Variants in EXOC4 observed in about 807,000 individuals in gnomAD.
The protein encoded by EXOC4 is SEC8-like 1.
Under a neutral mutation model 107.2 loss-of-function variants are expected in EXOC4, and 71 were observed. The ratio of observed to expected loss-of-function variants is 0.66; its 90% CI spans 0.55 to 0.81. The LOEUF is 0.81. Among genes scored for constraint, EXOC4 ranks in the 30% least tolerant of loss-of-function variants. The probability of loss-of-function intolerance (pLI) is 0.00; values close to 1 mark genes in which losing one functional copy is unlikely to be tolerated. For synonymous variants in EXOC4, 456 were observed against 441.2 expected, an observed-to-expected ratio of 1.03 and a Z score of -0.42; for missense variants, 1,108 against 1,189.6, an observed-to-expected ratio of 0.93 and a Z score of 1.01.
At chr7:133,576,515 A>C (rs1487367399) in intron 9 of EXOC4, 1 of 1,288,262 alleles carries the variant, frequency 7.8e-7, no homozygotes, top group Non-Finnish European at 1.0e-6. Flanking sequence ...GTTTTCTTAC[A>C]TGGCCAATTT....
At chr7:133,755,246 ATATATATTATATATATAT>A (rs1795879578) in intron 10 of EXOC4, among the ~76,000 whole-genome samples, 1 of 105,560 alleles carries the variant, frequency 9.5e-6, no homozygotes, top group East Asian at 2.7e-4. Context: ...TATATATAAT[ATATATATTATATATATAT>A]TATATATATT....
rs577607660 is a variant in EXOC4, at chr7:134,036,270, C to T, written c.2688-28021C>T. 6.6e-5 allele frequency among the ~76,000 whole-genome samples: 10 copies of T among 152,296 alleles called. No homozygotes were observed. The South Asian group carries it at 1.9e-3, about 28-fold the overall frequency. ...AGATATAGAAAGAGAGCATCCTTCT[C>T]TCCAGCTTATGTATCATACCAAAAT... On this transcript the variant is annotated intron_variant, in intron 17 of 17. Coordinates refer to ENST00000253861, the MANE Select transcript of EXOC4 (RefSeq NM_021807.4).
chr7:133,909,408 G>T (rs1337456352), intron 12 of EXOC4, among the ~76,000 whole-genome samples: 1 of 152,280 alleles, frequency 6.6e-6, no homozygotes, highest in Non-Finnish European at 1.5e-5. Context: ...GGAAGACGCC[G>T]CAGAGGACGT....
intron 17 of EXOC4, among the ~76,000 whole-genome samples, chr7:134,043,898 A>G (rs574198652): frequency 7.8e-4 from 118 of 152,138 alleles, no homozygotes; most frequent in Non-Finnish European, 1.2e-3. Flanking sequence ...CTCATTCCCC[A>G]ACACAGCCTC....
At chr7:133,761,565 A>G (rs998653835) in intron 10 of EXOC4, among the ~76,000 whole-genome samples, 1 of 152,132 alleles carries the variant, frequency 6.6e-6, no homozygotes, top group Non-Finnish European at 1.5e-5. Flanking sequence ...TTGGCTGTTG[A>G]CTCAGTGAAG....
chr7:133,290,136 T>G (rs1441270324), intron 3 of EXOC4, among the ~76,000 whole-genome samples: 1 of 152,224 alleles, frequency 6.6e-6, no homozygotes, highest in Non-Finnish European at 1.5e-5. Context: ...TGATATTCTA[T>G]CAGATATTAA....
intron 7 of EXOC4, among the ~76,000 whole-genome samples, chr7:133,407,262 T>A (rs1797242759): frequency 6.6e-6 from 1 of 152,168 alleles, no homozygotes; most frequent in South Asian, 2.1e-4. Flanking sequence ...CTACTCTTAA[T>A]GTGTTTCCTC....
intron 7 of EXOC4, among the ~76,000 whole-genome samples, chr7:133,459,652 A>G (rs183778203): frequency 6.6e-6 from 1 of 152,324 alleles, no homozygotes; most frequent in African/African-American, 2.4e-5. Flanking sequence ...ACAGGATCTT[A>G]TCGGATCATA....
At chr7:133,622,834 C>T (rs914427813) in intron 9 of EXOC4, among the ~76,000 whole-genome samples, 15 of 152,050 alleles carry the variant, frequency 9.9e-5, no homozygotes, top group African/African-American at 3.4e-4. Context: ...ATTCAACCTG[C>T]GAATTCCTTG....
At chr7:134,055,502 A>G (rs932573470) in intron 17 of EXOC4, among the ~76,000 whole-genome samples, 2 of 152,204 alleles carry the variant, frequency 1.3e-5, no homozygotes, top group African/African-American at 2.4e-5. Context: ...TGATGGGAGC[A>G]TATGTTCCCA....
intron 10 of EXOC4, among the ~76,000 whole-genome samples, chr7:133,739,576 T>G (rs1265840762): frequency 2.0e-5 from 3 of 152,168 alleles, no homozygotes; most frequent in Non-Finnish European, 4.4e-5. Context: ...CCAGGAAAGT[T>G]GGAGCAGCTG....
At chr7:133,301,626 G>T (rs1794643030) in intron 3 of EXOC4, among the ~76,000 whole-genome samples, 1 of 152,176 alleles carries the variant, frequency 6.6e-6, no homozygotes, top group South Asian at 2.1e-4. Context: ...GCCAAAATAA[G>T]CATTTTCGTT....
chr7:133,611,267 T>A (rs1802070872), intron 9 of EXOC4, among the ~76,000 whole-genome samples: 1 of 152,182 alleles, frequency 6.6e-6, no homozygotes, highest in Non-Finnish European at 1.5e-5. Flanking sequence ...GATGATGGTC[T>A]CAGAAGGTAT....
chr7:133,602,664 T>C (rs2150988280), intron 9 of EXOC4, among the ~76,000 whole-genome samples: 1 of 152,332 alleles, frequency 6.6e-6, no homozygotes, highest in African/African-American at 2.4e-5. Flanking sequence ...GATGAGAAGG[T>C]AGAGAAACCC....
chr7:133,840,494 T>TTTTTTTTATTTATTTATTTATTTATTTA (rs1798003624), intron 11 of EXOC4, among the ~76,000 whole-genome samples: 2 of 151,190 alleles, frequency 1.3e-5, no homozygotes, highest in African/African-American at 4.9e-5. Flanking sequence ...TTTTATTGTA[T>TTTTTTTTATTTATTTATTTATTTATTTA]TTTATTTATT....
At chr7:134,073,021 A>G in the EXOC4 span, among the ~76,000 whole-genome samples, 6 of 151,952 alleles carry the variant, frequency 3.9e-5, no homozygotes, top group East Asian at 1.2e-3. Flanking sequence ...CCTGGCCAAC[A>G]TGGTGAAACC....
chr7:133,490,636 A>C (rs1288514975), intron 9 of EXOC4, among the ~76,000 whole-genome samples: 1 of 152,160 alleles, frequency 6.6e-6, no homozygotes, highest in Non-Finnish European at 1.5e-5. Context: ...ATTTTTACTG[A>C]TTATAATTTG....
chr7:133,667,315 T>G (rs1251202962), intron 10 of EXOC4, among the ~76,000 whole-genome samples: 1 of 151,914 alleles, frequency 6.6e-6, no homozygotes, highest in Admixed American at 6.6e-5. Flanking sequence ...TGATGATGAC[T>G]GACACTCACA....
intron 17 of EXOC4, among the ~76,000 whole-genome samples, chr7:134,014,171 A>G (rs910943551): frequency 6.6e-6 from 1 of 152,248 alleles, no homozygotes; most frequent in Non-Finnish European, 1.5e-5. Context: ...TGGGAGGCCA[A>G]GGCAGGCAGA....
Sources: allele counts gnomAD v4.1 joint callset (sites outside exome capture counted in the v4.1 genomes callset), GRCh38; gene constraint gnomAD v4.1.1; transcripts MANE v1.5; gene names NCBI Gene and HGNC (gene_info 2026-07-23, HGNC 2026-07-21).